Variants in MRTFB observed in about 807,000 individuals in gnomAD.
MRTFB encodes the protein myocardin-related transcription factor B.
A neutral mutation model predicts 104.2 loss-of-function variants in MRTFB; 29 were observed. The ratio of observed to expected loss-of-function variants is 0.28; its 90% CI spans 0.21 to 0.38. The LOEUF is 0.38. MRTFB is among the 10% of genes least tolerant of loss of function. The probability of loss-of-function intolerance (pLI) is 1.00; values close to 1 mark genes in which losing one functional copy is unlikely to be tolerated. For synonymous variants in MRTFB, 535 were observed against 519.5 expected, an observed-to-expected ratio of 1.03 and a Z score of -0.41; for missense variants, 1,270 against 1,341.6, an observed-to-expected ratio of 0.95 and a Z score of 0.83.
chr16:14,062,074 ATTTTGTTTTG>A, the MRTFB span, among the ~76,000 whole-genome samples: 24 of 150,524 alleles, frequency 1.6e-4, no homozygotes, highest in South Asian at 2.1e-4. Flanking sequence ...AAGGACCCAG[ATTTTGTTTTG>A]TTTTGTTTTG....
chr16:14,185,590 T>C (rs757198637), intron 3 of MRTFB, among the ~76,000 whole-genome samples: 1 of 152,146 alleles, frequency 6.6e-6, no homozygotes, highest in Non-Finnish European at 1.5e-5. Context: ...ATGCACTGTC[T>C]TCTGCTTTAA....
chr16:14,165,509 G>A (rs752114345), intron 3 of MRTFB, among the ~76,000 whole-genome samples: 4 of 152,090 alleles, frequency 2.6e-5, no homozygotes, highest in African/African-American at 7.2e-5. Flanking sequence ...CTAGCCATGC[G>A]GCCGCCTTTG....
At chr16:14,131,281 G>T (rs2037425710) in intron 2 of MRTFB, among the ~76,000 whole-genome samples, 1 of 152,176 alleles carries the variant, frequency 6.6e-6, no homozygotes, top group Admixed American at 6.5e-5. Context: ...ATCAGTGGGT[G>T]AGGCAATCAC....
chr16:14,003,441 C>G, the MRTFB span, among the ~76,000 whole-genome samples: 6 of 152,322 alleles, frequency 3.9e-5, no homozygotes, highest in African/African-American at 1.4e-4. Flanking sequence ...TCTTCCCTGC[C>G]GTGGTTTGGA....
rs189861059 is a variant in MRTFB, at chr16:14,091,760, C to T, written c.-64+12406C>T. Reference sequence around the variant, plus strand: ...CTGTAATCCCAGCACTTTGGGAGGCCGAGGCGGGCAGATCACTTGAGGTCA... The same window carrying T: ...CTGTAATCCCAGCACTTTGGGAGGCTGAGGCGGGCAGATCACTTGAGGTCA... On this transcript the variant is annotated intron_variant, in intron 2 of 16. Transcript: ENST00000571589. 3.8e-3 allele frequency among the ~76,000 whole-genome samples: 574 copies of T among 151,792 alleles called. 7 individuals are homozygous for T. Among genetic ancestry groups the T allele is most frequent in the South Asian group, 5.8e-3 (28 of 4,790 alleles).
At chr16:14,125,040 C>G (rs1264429556) in intron 2 of MRTFB, among the ~76,000 whole-genome samples, 2 of 152,180 alleles carry the variant, frequency 1.3e-5, no homozygotes, top group Admixed American at 6.5e-5. Flanking sequence ...GTAGAATTCC[C>G]TTAGAACTTC....
rs906922470 is a variant in MRTFB, at chr16:14,177,593, A to T, written c.155-32650A>T. ...TCATTTAGGCACTTTGGGAGGCCAC[A>T]GCAGGAGGATTGCTTCAGCCCAGGA... On this transcript the variant is annotated intron_variant, in intron 3 of 16. Coordinates refer to ENST00000571589, the MANE Select transcript of MRTFB (RefSeq NM_001308142.2). This position sits in a 1 kb window ranked among gnomAD's most constrained non-coding sequence, Gnocchi z 4.7. Among the ~76,000 whole-genome samples the T allele has an allele frequency of 2.0e-5, 3 of 152,168 alleles. No homozygotes were observed. Among genetic ancestry groups the T allele is most frequent in the Admixed American group, 2.0e-4 (3 of 15,278 alleles).
the MRTFB span, among the ~76,000 whole-genome samples, chr16:14,017,183 A>G: frequency 2.0e-5 from 3 of 151,440 alleles, no homozygotes; most frequent in Non-Finnish European, 4.4e-5. Context: ...CAGCCTCCCA[A>G]GTAGCTGGGA....
intron 2 of MRTFB, among the ~76,000 whole-genome samples, chr16:14,088,887 G>T (rs7205524): frequency 0.027 from 4,126 of 152,230 alleles, 198 homozygotes; most frequent in African/African-American, 0.093. Context: ...TTTTCTTTGT[G>T]CAGTCTTTGG....
At chr16:14,178,401 A>G (rs1436685756) in intron 3 of MRTFB, among the ~76,000 whole-genome samples, 3 of 152,202 alleles carry the variant, frequency 2.0e-5, no homozygotes, top group Admixed American at 6.5e-5. Context: ...GAGATGAAGG[A>G]AACATTTTAG....
chr16:14,077,024 T>A (rs1419479569), intron 1 of MRTFB, among the ~76,000 whole-genome samples: 1 of 152,244 alleles, frequency 6.6e-6, no homozygotes, highest in Non-Finnish European at 1.5e-5. Context: ...TTAGAGAGAT[T>A]AGCCCTTTGT....
chr16:14,029,391 G>A, the MRTFB span, among the ~76,000 whole-genome samples: 1 of 128,292 alleles, frequency 7.8e-6, no homozygotes, highest in Non-Finnish European at 1.6e-5. Context: ...GGGTGACGGA[G>A]CAAGACTCTG....
the MRTFB span, among the ~76,000 whole-genome samples, chr16:14,030,496 G>A: frequency 2.0e-5 from 3 of 152,168 alleles, no homozygotes; most frequent in Admixed American, 2.0e-4. Flanking sequence ...CCATTCTGGG[G>A]GTGAAATAAG....
chr16:14,167,235 A>G (rs2142965896), intron 3 of MRTFB, among the ~76,000 whole-genome samples: 1 of 152,138 alleles, frequency 6.6e-6, no homozygotes, highest in South Asian at 2.1e-4. Context: ...TGTGGTTTTG[A>G]TTTGCATTTC....
At chr16:14,253,276 A>G (rs190970043) in intron 15 of MRTFB, among the ~76,000 whole-genome samples, 1 of 152,316 alleles carries the variant, frequency 6.6e-6, no homozygotes, top group Admixed American at 6.5e-5. Context: ...CCTTTGAGGG[A>G]AGAACCCCAG....
At chr16:14,108,838 C>T (rs1265966044) in intron 2 of MRTFB, among the ~76,000 whole-genome samples, 1 of 152,176 alleles carries the variant, frequency 6.6e-6, no homozygotes, top group African/African-American at 2.4e-5. Context: ...CAAAGAAAAC[C>T]TTTCCCCCAT....
intron 3 of MRTFB, among the ~76,000 whole-genome samples, chr16:14,175,447 TTA>T (rs1567415462): frequency 6.6e-6 from 1 of 152,266 alleles, no homozygotes; most frequent in South Asian, 2.1e-4. Flanking sequence ...TAATTCATTT[TTA>T]TTTCTGAGTA....
At chr16:14,017,316 A>G in the MRTFB span, among the ~76,000 whole-genome samples, 1 of 151,562 alleles carries the variant, frequency 6.6e-6, no homozygotes, top group Non-Finnish European at 1.5e-5. Context: ...TCGGCCTCCC[A>G]AAATGCTGGG....
chr16:14,001,203 T>C, the MRTFB span, among the ~76,000 whole-genome samples: 1 of 152,294 alleles, frequency 6.6e-6, no homozygotes, highest in Admixed American at 6.5e-5. Context: ...CTGGATTACA[T>C]GAAAGGGGAA....
Sources: gnomAD v4.1 joint callset for allele counts (sites outside exome capture counted in the v4.1 genomes callset) on GRCh38, gnomAD v4.1.1 for gene constraint, Gnocchi (gnomAD v3.1) non-coding constraint, MANE v1.5 for transcripts, NCBI Gene and HGNC (gene_info 2026-07-23, HGNC 2026-07-21) for gene names.